AUTS2: variants seen among roughly 807,000 people sequenced by gnomAD.
The protein encoded by AUTS2 is autism susceptibility gene 2 protein.
Under a neutral mutation model 112.4 loss-of-function variants are expected in AUTS2, and 17 were observed. The observed-to-expected ratio is 0.15, with a 90% CI of 0.10 to 0.23. The LOEUF (loss-of-function observed/expected upper bound fraction) is 0.23. AUTS2 is among the 10% of genes least tolerant of loss of function. The probability of loss-of-function intolerance (pLI) is 1.00; values close to 1 mark genes in which losing one functional copy is unlikely to be tolerated. For synonymous variants in AUTS2, 751 were observed against 702.7 expected (o/e 1.07, Z -1.09); for missense variants, 1,510 against 1,701.6 (o/e 0.89, Z 1.98).
intron 2 of AUTS2, among the ~76,000 whole-genome samples, chr7:69,971,593 A>G (rs1486938957): frequency 1.3e-5 from 2 of 152,192 alleles, no homozygotes; most frequent in Non-Finnish European, 2.9e-5. Context: ...GGCCTTTGAT[A>G]GCCATGCCTC....
intron 4 of AUTS2, among the ~76,000 whole-genome samples, chr7:70,260,969 G>A (rs1440545188): frequency 5.9e-5 from 9 of 151,968 alleles, no homozygotes; most frequent in East Asian, 1.9e-4. Context: ...GGATGGTCTC[G>A]ATCCCCTAAC....
chr7:69,919,771 A>G (rs6966036), intron 2 of AUTS2, among the ~76,000 whole-genome samples: 53,865 of 151,834 alleles, frequency 0.35, 9,998 homozygotes, highest in African/African-American at 0.46. Context: ...TAAAATTGAG[A>G]AAAAAAAGTA....
At chr7:70,551,305 G>A (rs1801005625) in intron 5 of AUTS2, among the ~76,000 whole-genome samples, 1 of 152,068 alleles carries the variant, frequency 6.6e-6, no homozygotes, top group South Asian at 2.1e-4. Context: ...CCTTCCCAAA[G>A]AGTAGTAGGG....
At chr7:70,235,241 C>T (rs1185823752) in intron 4 of AUTS2, among the ~76,000 whole-genome samples, 2 of 151,978 alleles carry the variant, frequency 1.3e-5, no homozygotes, top group Non-Finnish European at 1.5e-5. Context: ...TCAAGTGGTC[C>T]TTCTGCTTCA....
intron 5 of AUTS2, chr7:70,437,451 A>T (rs569386505): frequency 6.6e-6 from 1 of 152,342 alleles, no homozygotes; most frequent in South Asian, 2.1e-4. Flanking sequence ...CAGATCTATC[A>T]GCAATGGTTG....
chr7:70,561,300 C>T (rs1198890789), intron 5 of AUTS2, among the ~76,000 whole-genome samples: 1 of 152,088 alleles, frequency 6.6e-6, no homozygotes, highest in Non-Finnish European at 1.5e-5. Context: ...CTTTTAGCTG[C>T]AAGTAATAGA....
chr7:70,313,434 G>A (rs569968824), intron 4 of AUTS2, among the ~76,000 whole-genome samples: 29 of 152,228 alleles, frequency 1.9e-4, no homozygotes, highest in African/African-American at 7.0e-4. Flanking sequence ...ATTCTCCTTG[G>A]GATCCCAAGC....
chr7:70,486,934 A>ATCATCACT (rs1798035247), intron 5 of AUTS2, among the ~76,000 whole-genome samples: 1 of 127,856 alleles, frequency 7.8e-6, no homozygotes, highest in Non-Finnish European at 1.6e-5. Context: ...AAGGTTGCAT[A>ATCATCACT]TCATCACTTT....
At chr7:70,124,713 C>A (rs1250659752) in intron 3 of AUTS2, among the ~76,000 whole-genome samples, 1 of 152,142 alleles carries the variant, frequency 6.6e-6, no homozygotes, top group East Asian at 1.9e-4. Context: ...CAGGCATGTG[C>A]CACCATGCCC....
chr7:70,789,758 G>A lies in AUTS2; in HGVS notation c.2542G>A (p.Glu848Lys), dbSNP rs560607073. 5.0e-6 allele frequency: 8 copies of A among 1,611,844 alleles called. No individual in the cohort carries two copies. Among genetic ancestry groups the A allele is most frequent in the Non-Finnish European group, 6.8e-6 (8 of 1,178,632 alleles). ...CCCTCTCTCCCCCAGGGAAAGCGTC[G>A]AGAAGAGACACTCCAGCCACCCTTC... ...SKDDKERESV[E>K]KRHSSHPSPA... Residue 848 changes from glutamate (E) to lysine (K), a missense_variant, in exon 19 of 19, where the codon GAG (glutamate) becomes AAG (lysine). By Grantham distance (56) the Glu-to-Lys change is moderately conservative. This residue lies in a region of AUTS2 where 788 missense variants were observed against 797.6 expected (regional missense o/e 0.99). Transcript: ENST00000342771.
chr7:70,787,462 C>T (rs766641763), intron 18 of AUTS2, 31 bp downstream of exon 18: 41 of 1,496,744 alleles, frequency 2.7e-5, no homozygotes, highest in Non-Finnish European at 2.7e-5. Context: ...CGAGTCCCCA[C>T]GGGGGAGCCT....
In AUTS2 at chr7:70,340,163, A is replaced by AACACACACACACACACACAC. The variant is rs71077652; in HGVS notation, c.661-95576_661-95557dup. Reference sequence around the variant, plus strand: ...CCATCTGTGTCCATGTATGGAGAGAAACACACACACACACACACACACACA... The same window carrying AACACACACACACACACACAC: ...CCATCTGTGTCCATGTATGGAGAGAAACACACACACACACACACACACACACACACACACACACACACACA... On this transcript the variant is annotated intron_variant, in intron 4 of 18. Coordinates refer to ENST00000342771, the MANE Select transcript of AUTS2 (RefSeq NM_015570.4). 3.1e-3 allele frequency among the ~76,000 whole-genome samples: 447 copies of AACACACACACACACACACAC among 144,754 alleles called. 4 individuals are homozygous for AACACACACACACACACACAC. The highest frequency in any genetic ancestry group is 0.01 in the Middle Eastern group (3 of 288). 95.0% of individuals were successfully genotyped at this position (144,754 alleles called of 152,430 possible).
At chr7:70,504,727 G>A (rs1034978045) in intron 5 of AUTS2, among the ~76,000 whole-genome samples, 11 of 152,262 alleles carry the variant, frequency 7.2e-5, no homozygotes, top group Admixed American at 2.6e-4. Flanking sequence ...CCACGTTTCT[G>A]TAATCTTCTA....
intron 2 of AUTS2, among the ~76,000 whole-genome samples, chr7:70,050,174 T>C (rs1801682666): frequency 6.6e-6 from 1 of 151,588 alleles, no homozygotes; most frequent in Non-Finnish European, 1.5e-5. Context: ...CTGGCCAACA[T>C]GGTGAAACCA....
intron 4 of AUTS2, among the ~76,000 whole-genome samples, chr7:70,279,353 C>T (rs1788095234): frequency 6.6e-6 from 1 of 152,176 alleles, no homozygotes; most frequent in Non-Finnish European, 1.5e-5. Context: ...TTCAGATGTA[C>T]TGGACTCCCT....
In AUTS2 at chr7:69,885,424, CAGA is replaced by C. The variant is rs1402385137; in HGVS notation, c.310-13859_310-13857del. The stretch of plus-strand genomic sequence containing the variant: ...ATTTTTATTGACAATGTGAATTTTT[CAGA>C]AGGAGTTCGGCTATTTGACTTAGGA... On this transcript the variant is annotated intron_variant, in intron 1 of 18. Transcript: ENST00000342771. Among the ~76,000 whole-genome samples the C allele has an allele frequency of 2.6e-5, 4 of 152,294 alleles. No individual in the cohort carries two copies. The South Asian group carries it at 6.2e-4, about 24-fold the overall frequency.
chr7:69,617,287 T>G (rs1438376037), intron 1 of AUTS2, among the ~76,000 whole-genome samples: 1 of 152,210 alleles, frequency 6.6e-6, no homozygotes, highest in African/African-American at 2.4e-5. Flanking sequence ...CGTATTTAAC[T>G]GAGGACTCAC....
rs924464030 is a variant in AUTS2, at chr7:69,674,549, A to G, written c.309+74587A>G. ...AAACACTTAATATATGTTGGTTGTT[A>G]TTGTAATTTTAATAATAATAGCTAT... On this transcript the variant is annotated intron_variant, in intron 1 of 18. Transcript: ENST00000342771. 3.3e-5 allele frequency among the ~76,000 whole-genome samples: 4 copies of G among 122,268 alleles called. No homozygotes were observed. In the South Asian group the frequency reaches 8.2e-4, roughly 25 times the overall value. 80.2% of individuals were successfully genotyped at this position (122,268 alleles called of 152,430 possible).
At chr7:69,630,989 G>A (rs1290802232) in intron 1 of AUTS2, among the ~76,000 whole-genome samples, 2 of 151,806 alleles carry the variant, frequency 1.3e-5, no homozygotes, top group Non-Finnish European at 2.9e-5. Context: ...CACGTCTTGA[G>A]TAGATTAGAA....
Sources: gnomAD v4.1 joint callset for allele counts (sites outside exome capture counted in the v4.1 genomes callset) on GRCh38, gnomAD v4.1.1 for gene constraint, gnomAD v4.1.1 regional missense constraint, MANE v1.5 for transcripts, NCBI Gene and HGNC (gene_info 2026-07-23, HGNC 2026-07-21) for gene names.